Variants in ANGPT1 observed in about 807,000 individuals in gnomAD.
ANGPT1 encodes the protein angiopoietin-1.
ANGPT1 carries 17 observed loss-of-function variants against 62.2 expected under a neutral mutation model. The ratio of observed to expected loss-of-function variants is 0.27; its 90% CI spans 0.19 to 0.41. The LOEUF is 0.41. ANGPT1 is among the 10% of genes least tolerant of loss of function. The probability of loss-of-function intolerance (pLI) is 1.00; values close to 1 mark genes in which losing one functional copy is unlikely to be tolerated. For synonymous variants in ANGPT1, 199 were observed against 198.9 expected, an observed-to-expected ratio of 1.00 and a Z score of 0.00; for missense variants, 478 against 594.9, an observed-to-expected ratio of 0.80 and a Z score of 2.04.
chr8:107,483,432 T>C (rs1190348711), intron 1 of ANGPT1, among the ~76,000 whole-genome samples: 1 of 152,160 alleles, frequency 6.6e-6, no homozygotes, highest in African/African-American at 2.4e-5. Context: ...GTCTCCTTAG[T>C]ACATTAGTTT....
At chr8:107,405,245 T>C (rs534952555) in intron 1 of ANGPT1, among the ~76,000 whole-genome samples, 15 of 152,064 alleles carry the variant, frequency 9.9e-5, no homozygotes, top group Admixed American at 7.9e-4. Context: ...CTTTATTATA[T>C]GTAGAGCTAT....
chr8:107,374,255 A>G (rs1816481375), intron 1 of ANGPT1, among the ~76,000 whole-genome samples: 1 of 152,348 alleles, frequency 6.6e-6, no homozygotes, highest in East Asian at 1.9e-4. Flanking sequence ...CAACTGCAAT[A>G]GACTGTAATA....
intron 1 of ANGPT1, among the ~76,000 whole-genome samples, chr8:107,396,712 A>G (rs1380843733): frequency 1.3e-5 from 2 of 151,762 alleles, no homozygotes; most frequent in Non-Finnish European, 2.9e-5. Context: ...TTGTAAAGAC[A>G]GGGTCTTGCT....
intron 1 of ANGPT1, among the ~76,000 whole-genome samples, chr8:107,375,740 C>T (rs1167518342): frequency 6.6e-6 from 1 of 152,054 alleles, no homozygotes; most frequent in East Asian, 1.9e-4. Context: ...GAGGAAAGTA[C>T]CAGCAACAAG....
chr8:107,255,434 A>G (rs1269736683), intron 8 of ANGPT1, among the ~76,000 whole-genome samples: 4 of 152,216 alleles, frequency 2.6e-5, no homozygotes, highest in Admixed American at 6.5e-5. Context: ...ACACCTTTAG[A>G]CATTTTCTTT....
intron 1 of ANGPT1, among the ~76,000 whole-genome samples, chr8:107,392,152 G>A (rs555957991): frequency 2.0e-5 from 3 of 152,072 alleles, no homozygotes; most frequent in African/African-American, 7.2e-5. Flanking sequence ...AAATATTTGT[G>A]TATTAATTTG....
intron 7 of ANGPT1, among the ~76,000 whole-genome samples, chr8:107,275,272 C>T (rs923821835): frequency 3.3e-5 from 5 of 152,122 alleles, no homozygotes; most frequent in African/African-American, 7.2e-5. Context: ...CCACAAGCAG[C>T]GGTTCTCCTT....
At chr8:107,496,157 T>C (rs934803345) in intron 1 of ANGPT1, among the ~76,000 whole-genome samples, 2 of 152,222 alleles carry the variant, frequency 1.3e-5, no homozygotes, top group African/African-American at 4.8e-5. Context: ...AGAAGCCTGA[T>C]TGCATACCTA....
At chr8:107,408,449 T>C (rs867459121) in intron 1 of ANGPT1, among the ~76,000 whole-genome samples, 1 of 152,072 alleles carries the variant, frequency 6.6e-6, no homozygotes, top group Non-Finnish European at 1.5e-5. Flanking sequence ...GAGAGAAAAA[T>C]GTGTTCCTCC....
At position 107,483,394 on chromosome 8, in the gene ANGPT1, T is replaced by C. The variant is rs114624218; in HGVS notation, c.297+13868A>G. ...GAGTATGAGTTTTCCACTGCTATTG[T>C]CAGCTTTTATCATTTATTTGAACCA... On this transcript the variant is annotated intron_variant, in intron 1 of 8. Transcript: ENST00000517746. 8.0e-3 allele frequency among the ~76,000 whole-genome samples: 1,211 copies of C among 152,274 alleles called. 16 individuals are homozygous for C. Among genetic ancestry groups the C allele is most frequent in the African/African-American group, 0.028 (1,175 of 41,574 alleles).
chr8:107,387,666 G>A (rs910349350), intron 1 of ANGPT1, among the ~76,000 whole-genome samples: 3 of 151,938 alleles, frequency 2.0e-5, no homozygotes, highest in Admixed American at 6.6e-5. Flanking sequence ...CTTGAGCAAG[G>A]ATAAACCGAA....
At chr8:107,425,032 G>A (rs1487920452) in intron 1 of ANGPT1, among the ~76,000 whole-genome samples, 4 of 151,964 alleles carry the variant, frequency 2.6e-5, no homozygotes, top group Non-Finnish European at 5.9e-5. Flanking sequence ...GTGTCACCAC[G>A]CCCAGCTAAT....
intron 1 of ANGPT1, among the ~76,000 whole-genome samples, chr8:107,440,259 A>T (rs1268103802): frequency 6.6e-6 from 1 of 152,188 alleles, no homozygotes; most frequent in African/African-American, 2.4e-5. Context: ...AAGATGATTA[A>T]AAACATTCAC....
intron 1 of ANGPT1, among the ~76,000 whole-genome samples, chr8:107,484,487 G>A (rs1237426989): frequency 1.3e-5 from 2 of 151,926 alleles, no homozygotes; most frequent in African/African-American, 2.4e-5. Context: ...CTGCAGCCTC[G>A]ACCTCCCGGG....
intron 1 of ANGPT1, among the ~76,000 whole-genome samples, chr8:107,358,366 T>C (rs915554873): frequency 8.1e-6 from 1 of 123,156 alleles, no homozygotes; most frequent in Admixed American, 8.5e-5. Flanking sequence ...ATAAATGCAA[T>C]AAAATCCCTA....
chr8:107,429,340 A>G (rs575523693), intron 1 of ANGPT1, among the ~76,000 whole-genome samples: 28 of 152,312 alleles, frequency 1.8e-4, no homozygotes, highest in African/African-American at 6.5e-4. Flanking sequence ...TCCAATCACC[A>G]TCTCACCACT....
intron 1 of ANGPT1, among the ~76,000 whole-genome samples, chr8:107,477,270 C>T (rs1005254850): frequency 2.6e-5 from 4 of 152,038 alleles, no homozygotes; most frequent in Admixed American, 1.3e-4. Flanking sequence ...GAGGATGGAG[C>T]GGGAGAGAGT....
chr8:107,313,934 A>G (rs1441451818), intron 4 of ANGPT1, among the ~76,000 whole-genome samples: 1 of 152,216 alleles, frequency 6.6e-6, no homozygotes, highest in Non-Finnish European at 1.5e-5. Flanking sequence ...GATATGATGC[A>G]TACATATTTA....
chr8:107,365,384 G>T (rs1440154754), intron 1 of ANGPT1, among the ~76,000 whole-genome samples: 1 of 152,062 alleles, frequency 6.6e-6, no homozygotes, highest in Non-Finnish European at 1.5e-5. Context: ...AAACCTCAGG[G>T]GCTTAGCACT....
Sources: gnomAD v4.1 joint callset for allele counts (sites outside exome capture counted in the v4.1 genomes callset) on GRCh38, gnomAD v4.1.1 for gene constraint, MANE v1.5 for transcripts, NCBI Gene and HGNC (gene_info 2026-07-23, HGNC 2026-07-21) for gene names.